The following MAGI1 variants were observed in gnomAD, a reference collection of about 807,000 sequenced individuals.
MAGI1 encodes membrane associated guanylate kinase, WW and PDZ domain containing 1.
In MAGI1, 58 loss-of-function variants were observed where a neutral mutation model predicts 139.9. That is an observed-to-expected ratio of 0.41 (90% CI 0.34 to 0.52). The LOEUF (loss-of-function observed/expected upper bound fraction) is 0.52. Ranked by LOEUF, MAGI1 falls within the 20% of genes least tolerant of loss-of-function variation. The probability of loss-of-function intolerance (pLI) is 0.12; values close to 1 mark genes in which losing one functional copy is unlikely to be tolerated. For missense variants in MAGI1, 1,874 were observed against 1,901.6 expected (o/e 0.99, Z 0.27); for synonymous variants, 812 against 737.9 (o/e 1.10, Z -1.63).
chr3:65,876,276 C>G (rs2060113092), intron 1 of MAGI1, among the ~76,000 whole-genome samples: 1 of 152,026 alleles, frequency 6.6e-6, no homozygotes, highest in Non-Finnish European at 1.5e-5. Flanking sequence ...GTGCTACGAT[C>G]ACGCCTGTGA....
At chr3:65,894,747 T>C (rs922246868) in intron 1 of MAGI1, among the ~76,000 whole-genome samples, 3 of 152,194 alleles carry the variant, frequency 2.0e-5, no homozygotes, top group African/African-American at 7.2e-5. Flanking sequence ...ACAAACTCCA[T>C]CTGATGCCAA....
At chr3:65,672,486 T>C (rs2086922659) in intron 1 of MAGI1, among the ~76,000 whole-genome samples, 1 of 152,190 alleles carries the variant, frequency 6.6e-6, no homozygotes. Context: ...TTACTTTATA[T>C]ACCCATGTGT....
intron 1 of MAGI1, among the ~76,000 whole-genome samples, chr3:66,023,444 AG>A (rs772015059): frequency 7.2e-5 from 11 of 152,210 alleles, no homozygotes; most frequent in Non-Finnish European, 1.6e-4. Context: ...TCCTCATCCT[AG>A]TGCAGCAAAC....
chr3:65,910,890 C>T (rs1382616330), intron 1 of MAGI1, among the ~76,000 whole-genome samples: 1 of 48,874 alleles, frequency 2.0e-5, no homozygotes, highest in Non-Finnish European at 3.2e-5. Flanking sequence ...TGGAGACTCG[C>T]TCTGTAGCCC....
At chr3:65,591,976 G>A (rs371285168) in intron 2 of MAGI1, among the ~76,000 whole-genome samples, 4 of 152,140 alleles carry the variant, frequency 2.6e-5, no homozygotes, top group African/African-American at 7.2e-5. Flanking sequence ...TTTTTCCCTC[G>A]TATAATGTCC....
rs1042011576 is a variant in MAGI1 at position 65,685,587 on chromosome 3, C to A, written c.314-63499G>T. Among the ~76,000 whole-genome samples, 3 of 152,114 alleles carry A rather than the reference C, an allele frequency of 2.0e-5. No homozygotes were observed. In the East Asian group the frequency reaches 5.8e-4, roughly 29 times the overall value. ...GACTAAAATATTTTCAGTTAAGAAACTATCTGAGGTGGTCATGTTAATTTA... is the reference window on the plus strand; with the variant it reads ...GACTAAAATATTTTCAGTTAAGAAAATATCTGAGGTGGTCATGTTAATTTA... On this transcript the variant is annotated intron_variant, in intron 1 of 22. Transcript: ENST00000402939.
At chr3:65,448,186 A>T in intron 6 of MAGI1, 129 bp from the exon 7 acceptor site, 4 of 821,596 alleles carry the variant, frequency 4.9e-6, no homozygotes, top group South Asian at 4.3e-5. Flanking sequence ...CCTTACCTGC[A>T]TTGTGGCTTA....
At chr3:65,549,273 T>G in intron 2 of MAGI1, 30 of 339,140 alleles carry the variant, frequency 8.8e-5, no homozygotes, top group Non-Finnish European at 1.3e-4. Context: ...TTCCTCGCCT[T>G]CTCCTTCCTT....
At chr3:65,727,015 T>C (rs1479670989) in intron 1 of MAGI1, among the ~76,000 whole-genome samples, 2 of 148,286 alleles carry the variant, frequency 1.3e-5, no homozygotes, top group Non-Finnish European at 3.0e-5. Context: ...GCATTCCAGA[T>C]GAGGAATATT....
chr3:65,459,020 G>C (rs114665437), intron 5 of MAGI1, among the ~76,000 whole-genome samples: 1 of 152,112 alleles, frequency 6.6e-6, no homozygotes, highest in Non-Finnish European at 1.5e-5. Context: ...ATCTGTATAT[G>C]GATATCCAGT....
intron 1 of MAGI1, among the ~76,000 whole-genome samples, chr3:65,641,108 A>T (rs2084959286): frequency 3.1e-5 from 4 of 127,800 alleles, no homozygotes; most frequent in Admixed American, 1.5e-4. Context: ...AGCCTATATT[A>T]AAAAAAAAAA....
chr3:65,617,998 T>C (rs2083461232), intron 2 of MAGI1, among the ~76,000 whole-genome samples: 1 of 151,972 alleles, frequency 6.6e-6, no homozygotes, highest in African/African-American at 2.4e-5. Context: ...GAGTGCAGCT[T>C]GGGGAGTAGG....
At chr3:65,377,921 A>G (rs529803837) in intron 17 of MAGI1, among the ~76,000 whole-genome samples, 1 of 152,312 alleles carries the variant, frequency 6.6e-6, no homozygotes. Flanking sequence ...AGGCCAAGTG[A>G]GCTCTACTGG....
At chr3:65,658,636 G>A (rs752796371) in intron 1 of MAGI1, among the ~76,000 whole-genome samples, 59 of 152,288 alleles carry the variant, frequency 3.9e-4, no homozygotes, top group Non-Finnish European at 5.0e-4. Context: ...AAGCTCCCAG[G>A]TGATGCTAAT....
chr3:65,508,298 A>G (rs2077390784), intron 2 of MAGI1, among the ~76,000 whole-genome samples: 1 of 151,954 alleles, frequency 6.6e-6, no homozygotes, highest in African/African-American at 2.4e-5. Flanking sequence ...CAGCTAGTCC[A>G]GAGGCTGAGG....
intron 1 of MAGI1, among the ~76,000 whole-genome samples, chr3:65,676,920 C>A (rs1426521360): frequency 1.3e-5 from 2 of 152,156 alleles, no homozygotes; most frequent in Non-Finnish European, 2.9e-5. Flanking sequence ...GATTCCATTA[C>A]CAATGAGCTA....
At chr3:65,837,242 C>A (rs2042862751) in intron 1 of MAGI1, among the ~76,000 whole-genome samples, 1 of 152,198 alleles carries the variant, frequency 6.6e-6, no homozygotes, top group Non-Finnish European at 1.5e-5. Context: ...GGCAAAAAGG[C>A]AGATGTGTGC....
chr3:65,463,558 A>ATATGTGTG (rs1491281941), intron 5 of MAGI1, among the ~76,000 whole-genome samples: 1 of 140,748 alleles, frequency 7.1e-6, no homozygotes, highest in Non-Finnish European at 1.5e-5. Flanking sequence ...TTGGCCTGAA[A>ATATGTGTG]TGTGTGTGTG....
At chr3:65,611,526 T>C (rs979119254) in intron 2 of MAGI1, among the ~76,000 whole-genome samples, 2 of 144,800 alleles carry the variant, frequency 1.4e-5, no homozygotes, top group East Asian at 2.0e-4. Flanking sequence ...ATACAGCAGA[T>C]AGAATACTCT....
Sources: gnomAD v4.1 joint callset for allele counts (sites outside exome capture counted in the v4.1 genomes callset) on GRCh38, gnomAD v4.1.1 for gene constraint, MANE v1.5 for transcripts, NCBI Gene and HGNC (gene_info 2026-07-23, HGNC 2026-07-21) for gene names.